STUM: variants seen among roughly 807,000 people sequenced by gnomAD.
The protein encoded by STUM is stum, mechanosensory transduction mediator homolog, also known as protein stum homolog.
In STUM, 8 loss-of-function variants were observed where a neutral mutation model predicts 15.3. That is an observed-to-expected ratio of 0.52 (90% CI 0.31 to 0.94). The LOEUF (loss-of-function observed/expected upper bound fraction) is 0.94, where lower values mean the gene tolerates loss of function less well. Among genes scored for constraint, STUM ranks in the 40% least tolerant of loss-of-function variants. STUM has a pLI of 0.05. For missense variants in STUM, 142 were observed against 204.9 expected (o/e 0.69, Z 1.87); for synonymous variants, 78 against 88.7 (o/e 0.88, Z 0.68).
At chr1:226,591,856 TGA>T (rs1312995030) in intron 1 of STUM, among the ~76,000 whole-genome samples, 1 of 150,414 alleles carries the variant, frequency 6.6e-6, no homozygotes, top group East Asian at 2.0e-4. Flanking sequence ...GCTGAAAGAG[TGA>T]GGTGAGGCCA....
intron 1 of STUM, among the ~76,000 whole-genome samples, chr1:226,575,617 C>G (rs1335901615): frequency 1.3e-5 from 2 of 152,210 alleles, no homozygotes; most frequent in Non-Finnish European, 2.9e-5. Flanking sequence ...AGGCCCAGGC[C>G]AGGGCAAACA....
At chr1:226,595,098 T>C (rs541713475) in intron 1 of STUM, among the ~76,000 whole-genome samples, 1 of 152,264 alleles carries the variant, frequency 6.6e-6, no homozygotes, top group South Asian at 2.1e-4. Flanking sequence ...AAGTCTGAAA[T>C]CTCAGAACCA....
At chr1:226,577,499 T>TCA (rs60225649) in intron 1 of STUM, among the ~76,000 whole-genome samples, 16,704 of 150,848 alleles carry the variant, frequency 0.11, 938 homozygotes, top group South Asian at 0.19. Context: ...AAACAGTTTC[T>TCA]CACACACACA....
At chr1:226,578,161 T>C (rs1359501105) in intron 1 of STUM, among the ~76,000 whole-genome samples, 1 of 152,170 alleles carries the variant, frequency 6.6e-6, no homozygotes, top group Non-Finnish European at 1.5e-5. Context: ...ATCTTGCTTC[T>C]GTGTGCTTTC....
intron 1 of STUM, among the ~76,000 whole-genome samples, chr1:226,556,895 G>A (rs1667454614): frequency 6.6e-6 from 1 of 152,158 alleles, no homozygotes; most frequent in African/African-American, 2.4e-5. Flanking sequence ...ACAAAGTGAT[G>A]CTATAATTTA....
At chr1:226,577,996 G>A (rs562400846) in intron 1 of STUM, among the ~76,000 whole-genome samples, 38 of 152,218 alleles carry the variant, frequency 2.5e-4, no homozygotes, top group East Asian at 5.8e-4. Context: ...TCCCTGACAC[G>A]CAGCCTTACT....
In STUM at chr1:226,565,727, C is replaced by T. The variant is rs894158990; in HGVS notation, c.202+16621C>T. ...GCATACCCCCCATCCTCCCGTCTCT[C>T]GCCCACGCTTGGCTCAGAGATCTCT... On this transcript the variant is annotated intron_variant, in intron 1 of 3. Transcript: ENST00000366788. This position sits in a 1 kb window ranked among gnomAD's most constrained non-coding sequence, Gnocchi z 4.4. 1.3e-5 allele frequency among the ~76,000 whole-genome samples: 2 copies of T among 152,172 alleles called. No homozygotes were observed. Among genetic ancestry groups the T allele is most frequent in the African/African-American group, 4.8e-5 (2 of 41,444 alleles).
intron 1 of STUM, among the ~76,000 whole-genome samples, chr1:226,560,638 T>C (rs1013319526): frequency 3.3e-5 from 5 of 152,064 alleles, no homozygotes; most frequent in African/African-American, 1.2e-4. Context: ...GTGGCCCTGG[T>C]TGGAGATGTT....
chr1:226,590,639 C>T (rs1211235512), intron 1 of STUM, among the ~76,000 whole-genome samples: 1 of 152,154 alleles, frequency 6.6e-6, no homozygotes, highest in Non-Finnish European at 1.5e-5. Context: ...GTCTCTGACT[C>T]AGCTCTCTTC....
chr1:226,570,023 C>G (rs575224129), intron 1 of STUM, among the ~76,000 whole-genome samples: 1 of 152,168 alleles, frequency 6.6e-6, no homozygotes, highest in Non-Finnish European at 1.5e-5. Context: ...CACATCAGGG[C>G]TCCTCCTGTC....
chr1:226,548,979 G>T lies in STUM; in HGVS notation c.75G>T (p.Ala25=). Residue 25 remains alanine (A), a synonymous_variant, in exon 1 of 4, where the codon GCG becomes GCT. Coordinates refer to ENST00000366788, the MANE Select transcript of STUM (RefSeq NM_001003665.4). ...AAVAAADPRG[A]SSSSGVVVQV... ...TGGCGGCGGCGGACCCCCGGGGGGCGTCCTCGTCCAGCGGGGTGGTGGTGC... is the reference window on the plus strand; with the variant it reads ...TGGCGGCGGCGGACCCCCGGGGGGCTTCCTCGTCCAGCGGGGTGGTGGTGC... 6.6e-7 allele frequency: 1 copy of T among 1,522,000 alleles called. No homozygotes were observed. Among genetic ancestry groups the T allele is most frequent in the Non-Finnish European group, 8.8e-7 (1 of 1,136,894 alleles). The allele number at this position is 1,522,000 out of a possible 1,614,324, so 94.3% of individuals were successfully genotyped here. A position where few individuals can be genotyped will look rare whatever the true frequency, so the allele number is the denominator to read the frequency against.
intron 2 of STUM, among the ~76,000 whole-genome samples, chr1:226,598,481 A>T (rs761482547): frequency 2.6e-5 from 4 of 152,208 alleles, no homozygotes; most frequent in Non-Finnish European, 5.9e-5. Context: ...TTGATGCCTC[A>T]TCTGATCTCT....
At chr1:226,568,343 C>T (rs1047908425) in intron 1 of STUM, among the ~76,000 whole-genome samples, 2 of 152,126 alleles carry the variant, frequency 1.3e-5, no homozygotes, top group African/African-American at 2.4e-5. Context: ...CAACCCTAGG[C>T]GGGGTGGGTT....
intron 1 of STUM, among the ~76,000 whole-genome samples, chr1:226,583,896 C>T (rs181822564): frequency 3.9e-5 from 6 of 152,290 alleles, no homozygotes; most frequent in Admixed American, 3.9e-4. Context: ...AACCAAACAT[C>T]CTCGCCCACT....
chr1:226,584,584 C>T (rs1350150331), intron 1 of STUM, among the ~76,000 whole-genome samples: 5 of 152,198 alleles, frequency 3.3e-5, no homozygotes, highest in African/African-American at 9.7e-5. Flanking sequence ...ATCTCATCTC[C>T]AGCAGGTGAG....
In STUM at chr1:226,600,692, C is replaced by G; in HGVS notation, c.391+18C>G. 1 of 1,610,272 alleles carries G rather than the reference C, an allele frequency of 6.2e-7. No individual in the cohort carries two copies. The highest frequency in any genetic ancestry group is 8.5e-7 in the Non-Finnish European group (1 of 1,179,964). ...TTCCCAAGGTGAGTCTGCGGATGGA[C>G]GTGCGGGCCTCGTGCTGCTGCTTGG... is the stretch of plus-strand genomic sequence containing the variant. On this transcript the variant is annotated intron_variant, in intron 3 of 3. Transcript: ENST00000366788. The surrounding 1 kb of genome is among the most constrained non-coding windows in gnomAD (Gnocchi z 5.2).
rs1264096551 is a variant in STUM, at chr1:226,549,440, T to G, written c.202+334T>G. Reference sequence around the variant, plus strand: ...CCCGTCCCGGCGCCCCGATTTCTGCTCCTTCTCTCCGTCGTGTGCATCCGT... The same window carrying G: ...CCCGTCCCGGCGCCCCGATTTCTGCGCCTTCTCTCCGTCGTGTGCATCCGT... On this transcript the variant is annotated intron_variant, in intron 1 of 3. Coordinates refer to ENST00000366788, the MANE Select transcript of STUM (RefSeq NM_001003665.4). The surrounding 1 kb of genome is among the most constrained non-coding windows in gnomAD (Gnocchi z 6.8). 1.3e-5 allele frequency among the ~76,000 whole-genome samples: 2 copies of G among 152,084 alleles called. No individual in the cohort carries two copies. Among genetic ancestry groups the G allele is most frequent in the Non-Finnish European group, 1.5e-5 (1 of 67,994 alleles).
intron 1 of STUM, among the ~76,000 whole-genome samples, chr1:226,581,002 C>T (rs913885541): frequency 6.6e-6 from 1 of 152,210 alleles, no homozygotes; most frequent in Non-Finnish European, 1.5e-5. Flanking sequence ...AGTCTTCTGC[C>T]AAGGCCCAGG....
intron 1 of STUM, among the ~76,000 whole-genome samples, chr1:226,554,221 G>A (rs1197296092): frequency 6.6e-6 from 1 of 152,214 alleles, no homozygotes; most frequent in Non-Finnish European, 1.5e-5. Context: ...CCTTCAACTA[G>A]TTCCCAGAAT....
Sources: gnomAD v4.1 joint callset for allele counts (sites outside exome capture counted in the v4.1 genomes callset) on GRCh38, gnomAD v4.1.1 for gene constraint, Gnocchi (gnomAD v3.1) non-coding constraint, MANE v1.5 for transcripts, NCBI Gene and HGNC (gene_info 2026-07-23, HGNC 2026-07-21) for gene names.